NR2C1: variants seen among roughly 807,000 people sequenced by gnomAD.
The protein encoded by NR2C1 is nuclear receptor subfamily 2 group C member 1.
NR2C1 carries 33 observed loss-of-function variants against 74.8 expected under a neutral mutation model. That is an observed-to-expected ratio of 0.44 (90% CI 0.33 to 0.59). The LOEUF (loss-of-function observed/expected upper bound fraction) is 0.59, where lower values mean the gene tolerates loss of function less well. NR2C1 is among the 20% of genes least tolerant of loss of function. The pLI is 0.02. For missense variants in NR2C1, 568 were observed against 715.6 expected (o/e 0.79, Z 2.35); for synonymous variants, 225 against 240.6 (o/e 0.94, Z 0.60).
At chr12:95,038,090 G>T (rs1275365022) in intron 10 of NR2C1, among the ~76,000 whole-genome samples, 1 of 152,094 alleles carries the variant, frequency 6.6e-6, no homozygotes, top group African/African-American at 2.4e-5. Context: ...TTGACTGCTA[G>T]ATCAAGTTAT....
At chr12:95,050,222 T>C (rs1410760170) in intron 8 of NR2C1, among the ~76,000 whole-genome samples, 1 of 152,226 alleles carries the variant, frequency 6.6e-6, no homozygotes, top group East Asian at 1.9e-4. Flanking sequence ...TATTTTTCAA[T>C]AAGCCTCCTA....
At chr12:95,071,579 T>A (rs919348192) in intron 1 of NR2C1, among the ~76,000 whole-genome samples, 1 of 152,002 alleles carries the variant, frequency 6.6e-6, no homozygotes, top group Admixed American at 6.6e-5. Context: ...TGCCTGTAAT[T>A]CCAGCTACTC....
At chr12:95,051,212 A>G (rs1872957093) in intron 8 of NR2C1, among the ~76,000 whole-genome samples, 1 of 152,214 alleles carries the variant, frequency 6.6e-6, no homozygotes, top group African/African-American at 2.4e-5. Flanking sequence ...ACATGATGCC[A>G]CAAGTGGAAA....
intron 12 of NR2C1, among the ~76,000 whole-genome samples, chr12:95,026,546 A>G (rs1408731005): frequency 6.6e-6 from 1 of 152,210 alleles, no homozygotes; most frequent in Non-Finnish European, 1.5e-5. Flanking sequence ...TAGTAAAATA[A>G]AATTACATTA....
chr12:95,072,468 A>AAAG (rs1876832731), intron 1 of NR2C1, among the ~76,000 whole-genome samples: 4 of 150,806 alleles, frequency 2.7e-5, no homozygotes, highest in Middle Eastern at 3.4e-3. Context: ...AAAAAAAAAA[A>AAAG]AAAAAAGAAA....
chr12:95,042,624 A>C (rs1013253538), intron 9 of NR2C1, among the ~76,000 whole-genome samples: 5 of 152,204 alleles, frequency 3.3e-5, no homozygotes, highest in Non-Finnish European at 5.9e-5. Context: ...TGTAAAAAAC[A>C]ACCCCTGCCT....
intron 10 of NR2C1, among the ~76,000 whole-genome samples, chr12:95,032,457 C>CAAAAAAAA (rs905079010): frequency 1.4e-3 from 125 of 90,714 alleles, no homozygotes; most frequent in African/African-American, 4.9e-3. Flanking sequence ...GACTCCGTCT[C>CAAAAAAAA]AAAAAAAAAA....
At chr12:95,042,038 T>G (rs1278410990) in intron 9 of NR2C1, among the ~76,000 whole-genome samples, 1 of 152,088 alleles carries the variant, frequency 6.6e-6, no homozygotes, top group Admixed American at 6.6e-5. Flanking sequence ...TAAAACAGTA[T>G]GTATTAAATA....
Position 95,061,292 on chromosome 12 carries a change from C to A in NR2C1, c.285+1216G>T, listed in dbSNP as rs547019443. ...GCAAAAACTAAGGAAAGTCTAAACA[C>A]CTATAAACTTCAGTTAACAATGTAT... On this transcript the variant is annotated intron_variant, in intron 3 of 13. Coordinates refer to ENST00000333003, the MANE Select transcript of NR2C1 (RefSeq NM_003297.4). 3.3e-5 allele frequency among the ~76,000 whole-genome samples: 5 copies of A among 152,242 alleles called. No individual in the cohort carries two copies. The East Asian group carries it at 9.6e-4, about 29-fold the overall frequency.
intron 13 of NR2C1, among the ~76,000 whole-genome samples, chr12:95,023,532 C>A (rs1486093634): frequency 6.6e-6 from 1 of 152,194 alleles, no homozygotes; most frequent in African/African-American, 2.4e-5. Flanking sequence ...GGGAAAAGCA[C>A]AGAATGTGGA....
chr12:95,053,707 CAG>C (rs1256755159), intron 7 of NR2C1, among the ~76,000 whole-genome samples: 7 of 99,834 alleles, frequency 7.0e-5, no homozygotes, highest in South Asian at 3.3e-4. Flanking sequence ...TTTTTTGAGA[CAG>C]AGTCTTACTC....
chr12:95,062,439 G>T, intron 3 of NR2C1, 69 bp downstream of exon 3: 1 of 1,018,116 alleles, frequency 9.8e-7, no homozygotes, highest in Non-Finnish European at 1.5e-6. Flanking sequence ...AAGTCTTCAT[G>T]GCAGGGCTTA....
At chr12:95,028,594 T>G in intron 11 of NR2C1, 70 bp from the exon 12 acceptor site, 2 of 1,161,108 alleles carry the variant, frequency 1.7e-6, no homozygotes, top group Non-Finnish European at 2.5e-6. Flanking sequence ...TCCAATATAT[T>G]TCCCTCTCAG....
intron 10 of NR2C1, 45 bp from the exon 11 acceptor site, chr12:95,031,533 TAA>T (rs1870108321): frequency 6.8e-7 from 1 of 1,468,290 alleles, no homozygotes; most frequent in African/African-American, 1.4e-5. Context: ...ATTATTAAAA[TAA>T]GTTTTATAAA....
rs546713451 is a variant in NR2C1, at chr12:95,054,300, C to CTT, written c.784-2359_784-2358dup. Among the ~76,000 whole-genome samples the CTT allele has an allele frequency of 1.0e-3, 144 of 142,258 alleles. 1 individual carries two copies. The highest frequency in any genetic ancestry group is 3.2e-3 in the African/African-American group (127 of 39,236). 93.3% of individuals were successfully genotyped at this position (142,258 alleles called of 152,430 possible). ...GACTGGCTGACTGCCAAAGTCTATG[C>CTT]TTTTTTTTTTTTTTAAGAGACAGTG... On this transcript the variant is annotated intron_variant, in intron 7 of 13. Transcript: ENST00000333003.
intron 7 of NR2C1, among the ~76,000 whole-genome samples, chr12:95,056,353 GCTT>G (rs546655814): frequency 6.6e-6 from 1 of 152,136 alleles, no homozygotes; most frequent in Non-Finnish European, 1.5e-5. Flanking sequence ...AGAAATTTTT[GCTT>G]CTTGTTCTCC....
At chr12:95,057,465 C>G (rs994257515) in intron 7 of NR2C1, 88 bp downstream of exon 7, 3 of 906,908 alleles carry the variant, frequency 3.3e-6, no homozygotes, top group Non-Finnish European at 4.9e-6. Context: ...TATTTAAGAA[C>G]AAAGCAATTT....
chr12:95,026,703 A>T (rs1285226970), intron 12 of NR2C1: 2 of 152,234 alleles, frequency 1.3e-5, no homozygotes, highest in African/African-American at 2.4e-5. Flanking sequence ...TACTGGTATT[A>T]CTGACAGAAA....
At chr12:95,067,084 C>T in intron 2 of NR2C1, 2 of 516,226 alleles carry the variant, frequency 3.9e-6, no homozygotes, top group South Asian at 2.7e-5. Flanking sequence ...TCTTTCCTTC[C>T]TTCCTTCCCT....
Sources: allele counts gnomAD v4.1 joint callset (sites outside exome capture counted in the v4.1 genomes callset), GRCh38; gene constraint gnomAD v4.1.1; transcripts MANE v1.5; gene names NCBI Gene and HGNC (gene_info 2026-07-23, HGNC 2026-07-21).